The following F10 variants were observed in gnomAD, a reference collection of about 807,000 sequenced individuals.
F10 encodes the protein coagulation factor X.
Under a neutral mutation model 37.1 loss-of-function variants are expected in F10, and 29 were observed. The observed-to-expected ratio is 0.78, with a 90% CI of 0.58 to 1.07. F10 has a LOEUF of 1.07. Among genes scored for constraint, F10 ranks in the 50% least tolerant of loss-of-function variants. F10 has a pLI of 0.00. For synonymous variants in F10, 262 were observed against 268.6 expected (o/e 0.98, Z 0.24); for missense variants, 539 against 667.9 (o/e 0.81, Z 2.13).
Position 113,138,757 on chromosome 13 carries a change from G to A in F10, c.256+276G>A, listed in dbSNP as rs571688819. On this transcript the variant is annotated intron_variant, in intron 3 of 7. Transcript: ENST00000375559. ...CCATGATAACTTTTCTTAAATAAAAGTGTATTCGGTAAAAGCAAAAAACAG... is the reference window on the plus strand; with the variant it reads ...CCATGATAACTTTTCTTAAATAAAAATGTATTCGGTAAAAGCAAAAAACAG... 1.2e-4 allele frequency among the ~76,000 whole-genome samples: 19 copies of A among 152,300 alleles called. No homozygotes were observed. The East Asian group carries it at 3.7e-3, about 29-fold the overall frequency.
chr13:113,140,685 G>A (rs2036519239), intron 4 of F10: 2 of 693,832 alleles, frequency 2.9e-6, no homozygotes, highest in Non-Finnish European at 5.3e-6. Context: ...GAGGTGTGAG[G>A]GGCAGGTACC....
In F10 at chr13:113,139,339, G is replaced by A. The variant is rs755244908; in HGVS notation, c.257-18G>A. On this transcript the variant is annotated intron_variant, in intron 3 of 7. Transcript: ENST00000375559. This position sits in a 1 kb window ranked among gnomAD's most constrained non-coding sequence, Gnocchi z 5.2. ...GAAACAGCTTGCAGACTCCAGTTTC[G>A]AAATCCTCTCTTTGCAGATGGCGAC... 118 of 1,610,470 alleles carry A rather than the reference G, an allele frequency of 7.3e-5. No homozygotes were observed. The highest frequency in any genetic ancestry group is 9.4e-5 in the Non-Finnish European group (111 of 1,177,024).
intron 1 of F10, among the ~76,000 whole-genome samples, chr13:113,123,542 G>C (rs551828740): frequency 6.6e-6 from 1 of 152,350 alleles, no homozygotes; most frequent in South Asian, 2.1e-4. Flanking sequence ...AGCGGAGGAA[G>C]AGGAGGCCCC....
chr13:113,139,571 C>CATT lies in F10; in HGVS notation c.370+102_370+104dup. The CATT allele has an allele frequency of 1.1e-6, 1 of 884,766 alleles. No individual in the cohort carries two copies. The highest frequency in any genetic ancestry group is 1.8e-6 in the Non-Finnish European group (1 of 541,428). 54.8% of individuals were successfully genotyped at this position (884,766 alleles called of 1,614,324 possible). ...AACGCCTAATGAAACAATCTTAAGT[C>CATT]ATTTCTGATTTACAAAGTCTGGGCT... On this transcript the variant is annotated intron_variant, in intron 4 of 7. Coordinates refer to ENST00000375559, the MANE Select transcript of F10 (RefSeq NM_000504.4). The surrounding 1 kb of genome is among the most constrained non-coding windows in gnomAD (Gnocchi z 5.2).
chr13:113,137,975 G>C (rs1428830532), intron 2 of F10, among the ~76,000 whole-genome samples: 3 of 152,198 alleles, frequency 2.0e-5, no homozygotes, highest in African/African-American at 7.2e-5. Context: ...ACTGTAGAGA[G>C]TTAAAAAACA....
chr13:113,138,579 C>A lies in F10; in HGVS notation c.256+98C>A, dbSNP rs2026160. 588,373 of 821,736 alleles carry A rather than the reference C, an allele frequency of 0.72. 212,501 individuals are homozygous for A. Among genetic ancestry groups the A allele is most frequent in the East Asian group, 0.89 (35,905 of 40,298 alleles). The allele number at this position is 821,736 out of a possible 1,614,324, so 50.9% of individuals were successfully genotyped here. On this transcript the variant is annotated intron_variant, in intron 3 of 7. Transcript: ENST00000375559. The stretch of plus-strand genomic sequence containing the variant: ...TGAATTTCCTTTCTGCTTTTGTTCT[C>A]ATTTTACTCATTTAAGACTTTTTCC...
intron 2 of F10, among the ~76,000 whole-genome samples, chr13:113,135,059 G>A (rs925267855): frequency 7.2e-5 from 11 of 151,932 alleles, no homozygotes; most frequent in Non-Finnish European, 1.3e-4. Context: ...TGGCCAACAT[G>A]GTGAAACCCC....
At chr13:113,137,153 A>G (rs2036486784) in intron 2 of F10, among the ~76,000 whole-genome samples, 1 of 152,254 alleles carries the variant, frequency 6.6e-6, no homozygotes, top group African/African-American at 2.4e-5. Flanking sequence ...GTACCCATAC[A>G]ATATAACAGT....
intron 1 of F10, among the ~76,000 whole-genome samples, chr13:113,123,751 C>T (rs749478312): frequency 9.9e-5 from 15 of 152,154 alleles, no homozygotes; most frequent in South Asian, 6.2e-4. Context: ...CTGACCTAAA[C>T]GGCCCCTCCG....
Position 113,139,438 on chromosome 13 carries a change from T to C in F10, c.338T>C (p.Leu113Ser). 6.2e-7 allele frequency: 1 copy of C among 1,613,982 alleles called. No homozygotes were observed. The highest frequency in any genetic ancestry group is 8.5e-7 in the Non-Finnish European group (1 of 1,179,886). Residue 113 changes from leucine to serine, a missense_variant, in exon 4 of 8, where the codon TTA becomes TCA. Leu to Ser is a moderately radical substitution (Grantham distance 145). Coordinates refer to ENST00000375559, the MANE Select transcript of F10 (RefSeq NM_000504.4). This position sits in a 1 kb window ranked among gnomAD's most constrained non-coding sequence, Gnocchi z 5.2. ...CTCGGGGAATACACCTGCACCTGTTTAGAAGGATTCGAAGGCAAAAACTGT... is the reference window on the plus strand; with the variant it reads ...CTCGGGGAATACACCTGCACCTGTTCAGAAGGATTCGAAGGCAAAAACTGT... ...DGLGEYTCTC[L>S]EGFEGKNCEL...
At chr13:113,128,772 A>C (rs571038205) in intron 1 of F10, 1 of 152,112 alleles carries the variant, frequency 6.6e-6, no homozygotes, top group African/African-American at 2.4e-5. Context: ...AGACAGTAGA[A>C]TCTCCTCCTG....
rs573852062 is a variant in F10 at position 113,144,529 on chromosome 13, G to A, written c.747+434G>A. On this transcript the variant is annotated intron_variant, in intron 6 of 7. Coordinates refer to ENST00000375559, the MANE Select transcript of F10 (RefSeq NM_000504.4). This position sits in a 1 kb window ranked among gnomAD's most constrained non-coding sequence, Gnocchi z 6.4. ...CAGGGGCATCAGCGGGCAGGAGGAC[G>A]GTGCCGGGTGGGCAAGGCCTCCATC... 1.3e-4 allele frequency among the ~76,000 whole-genome samples: 20 copies of A among 152,380 alleles called. No individual in the cohort carries two copies. Among genetic ancestry groups the A allele is most frequent in the Admixed American group, 2.6e-4 (4 of 15,306 alleles).
chr13:113,127,174 A>C (rs1175044685), intron 1 of F10, among the ~76,000 whole-genome samples: 3 of 152,214 alleles, frequency 2.0e-5, no homozygotes, highest in Non-Finnish European at 4.4e-5. Context: ...CAGCTCTAAG[A>C]GTAGATATTA....
intron 2 of F10, among the ~76,000 whole-genome samples, chr13:113,136,539 C>G (rs1377080696): frequency 6.6e-6 from 1 of 151,622 alleles, no homozygotes; most frequent in African/African-American, 2.4e-5. Context: ...CTCACTACAA[C>G]CTCCTCCTCT....
chr13:113,146,681 T>G lies in F10; in HGVS notation c.748-698T>G, dbSNP rs2036585502. On this transcript the variant is annotated intron_variant, in intron 6 of 7. Coordinates refer to ENST00000375559, the MANE Select transcript of F10 (RefSeq NM_000504.4). This position sits in a 1 kb window ranked among gnomAD's most constrained non-coding sequence, Gnocchi z 4.5. ...AGCCATGAATGTTTTAAGAAATGTT[T>G]TAAGACTCGGTATTGTCAGTAGTTT... Among the ~76,000 whole-genome samples, 1 of 152,176 alleles carries G rather than the reference T, an allele frequency of 6.6e-6. No individual in the cohort carries two copies. The highest frequency in any genetic ancestry group is 1.5e-5 in the Non-Finnish European group (1 of 68,026).
In F10 at chr13:113,141,113, C is replaced by G; in HGVS notation, c.502+63C>G. 1.2e-6 allele frequency: 2 copies of G among 1,604,454 alleles called. No homozygotes were observed. Among genetic ancestry groups the G allele is most frequent in the Non-Finnish European group, 1.7e-6 (2 of 1,178,088 alleles). On this transcript the variant is annotated intron_variant, in intron 5 of 7. Coordinates refer to ENST00000375559, the MANE Select transcript of F10 (RefSeq NM_000504.4). This position sits in a 1 kb window ranked among gnomAD's most constrained non-coding sequence, Gnocchi z 5.4. ...TGGGCCGGGCCAGGGAGGACAAGCCCGTGCCAGGGGGTGGGGACACAGGCA... is the reference window on the plus strand; with the variant it reads ...TGGGCCGGGCCAGGGAGGACAAGCCGGTGCCAGGGGGTGGGGACACAGGCA...
chr13:113,145,580 A>G lies in F10; in HGVS notation c.747+1485A>G, dbSNP rs139324314. Among the ~76,000 whole-genome samples, 1,070 of 152,332 alleles carry G rather than the reference A, an allele frequency of 7.0e-3. 12 individuals carry two copies. Among genetic ancestry groups the G allele is most frequent in the African/African-American group, 0.025 (1,022 of 41,564 alleles). On this transcript the variant is annotated intron_variant, in intron 6 of 7. Transcript: ENST00000375559. Reference sequence around the variant, plus strand: ...TCAAGTCAAACTAGGTGTATTAGTCAGTTTTCACACTGCTGACACATACAT... The same window carrying G: ...TCAAGTCAAACTAGGTGTATTAGTCGGTTTTCACACTGCTGACACATACAT...
In F10 at chr13:113,143,690, CT is replaced by C. The variant is rs1413721836; in HGVS notation, c.503-160del. On this transcript the variant is annotated intron_variant, in intron 5 of 7. Transcript: ENST00000375559. The surrounding 1 kb of genome is among the most constrained non-coding windows in gnomAD (Gnocchi z 6.8). ...CTGCGCTCACCTGCAGATCCGACCC[CT>C]GCCGACGACGTGGGGCCTCGCCCTG... 1.3e-5 allele frequency among the ~76,000 whole-genome samples: 2 copies of C among 152,186 alleles called. No individual in the cohort carries two copies. Among genetic ancestry groups the C allele is most frequent in the African/African-American group, 2.4e-5 (1 of 41,440 alleles).
intron 6 of F10, 22 bp from the exon 7 acceptor site, chr13:113,147,357 G>A (rs1330108862): frequency 1.3e-6 from 2 of 1,551,220 alleles, no homozygotes; most frequent in East Asian, 2.2e-5. Flanking sequence ...CAGCCACACT[G>A]AGCCTGTCAC....
Sources: gnomAD v4.1 joint callset for allele counts (sites outside exome capture counted in the v4.1 genomes callset) on GRCh38, gnomAD v4.1.1 for gene constraint, Gnocchi (gnomAD v3.1) non-coding constraint, MANE v1.5 for transcripts, NCBI Gene and HGNC (gene_info 2026-07-23, HGNC 2026-07-21) for gene names.